SPATA13: variants seen among roughly 807,000 people sequenced by gnomAD.
SPATA13 encodes the protein spermatogenesis associated 13, also known as spermatogenesis-associated protein 13.
A neutral mutation model predicts 104.0 loss-of-function variants in SPATA13; 50 were observed. The ratio of observed to expected loss-of-function variants is 0.48; its 90% CI spans 0.38 to 0.61. The LOEUF (loss-of-function observed/expected upper bound fraction) is 0.61, where lower values mean the gene tolerates loss of function less well. SPATA13 is among the 20% of genes least tolerant of loss of function. The probability of loss-of-function intolerance (pLI) is 0.00; values close to 1 mark genes in which losing one functional copy is unlikely to be tolerated. For missense variants in SPATA13, 1,524 were observed against 1,690.6 expected (o/e 0.90, Z 1.73); for synonymous variants, 606 against 667.5 (o/e 0.91, Z 1.42).
chr13:24,288,867 T>A, intron 7 of SPATA13, 132 bp from the exon 8 acceptor site: 1 of 717,558 alleles, frequency 1.4e-6, no homozygotes, highest in Non-Finnish European at 2.2e-6. Flanking sequence ...TACGATGACC[T>A]CATCAGAGAC....
intron 1 of SPATA13, among the ~76,000 whole-genome samples, chr13:24,181,941 C>T (rs1279733209): frequency 2.0e-5 from 3 of 152,028 alleles, no homozygotes; most frequent in Non-Finnish European, 4.4e-5. Context: ...ATGGTGAAAC[C>T]CCATCTCTAC....
At chr13:24,126,573 G>T (rs565765266) in intron 3 of SPATA13, among the ~76,000 whole-genome samples, 5 of 152,210 alleles carry the variant, frequency 3.3e-5, no homozygotes, top group Middle Eastern at 6.8e-3. Flanking sequence ...CTCCCAGGGC[G>T]CAGGACAGAG....
chr13:24,184,231 G>C (rs1158200239), intron 1 of SPATA13, among the ~76,000 whole-genome samples: 1 of 152,182 alleles, frequency 6.6e-6, no homozygotes, highest in East Asian at 1.9e-4. Context: ...AAATCATTTG[G>C]ATGTGGAAAT....
intron 3 of SPATA13, among the ~76,000 whole-genome samples, chr13:24,135,559 A>G (rs954504776): frequency 6.6e-6 from 1 of 151,986 alleles, no homozygotes; most frequent in Non-Finnish European, 1.5e-5. Context: ...TTAGCCGGGC[A>G]TGGTGGCAGG....
At chr13:24,216,103 G>A (rs182959844) in intron 1 of SPATA13, among the ~76,000 whole-genome samples, 286 of 152,320 alleles carry the variant, frequency 1.9e-3, no homozygotes, top group Non-Finnish European at 3.1e-3. Flanking sequence ...CTGTGAGATT[G>A]GAGGAAGAGG....
At chr13:24,132,062 T>C (rs939888680) in intron 3 of SPATA13, among the ~76,000 whole-genome samples, 1 of 152,204 alleles carries the variant, frequency 6.6e-6, no homozygotes, top group African/African-American at 2.4e-5. Flanking sequence ...AGAATGCTTT[T>C]TGAAGGAGAA....
intron 3 of SPATA13, among the ~76,000 whole-genome samples, chr13:24,153,145 TC>T (rs1882154092): frequency 6.6e-6 from 1 of 152,202 alleles, no homozygotes; most frequent in Non-Finnish European, 1.5e-5. Flanking sequence ...CATCTGCATC[TC>T]CCCATCATAA....
In SPATA13 at chr13:24,289,136, G is replaced by A. The variant is rs780221966; in HGVS notation, c.2805G>A (p.Glu935=). Reference sequence around the variant, plus strand: ...ACCTTGAGAAACAGTACAACAAAGAGGAACCTCACTTAAGTGAAATAGGAT... The same window carrying A: ...ACCTTGAGAAACAGTACAACAAAGAAGAACCTCACTTAAGTGAAATAGGAT... The part of the protein sequence containing the change: ...LKDLEKQYNK[E]EPHLSEIGSC... Residue 935 remains glutamate, a synonymous_variant, in exon 8 of 13, where the codon GAG becomes GAA. Transcript: ENST00000382108. 2 of 1,611,868 alleles carry A rather than the reference G, an allele frequency of 1.2e-6. No individual in the cohort carries two copies. Among genetic ancestry groups the A allele is most frequent in the Non-Finnish European group, 1.7e-6 (2 of 1,179,522 alleles).
intron 3 of SPATA13, among the ~76,000 whole-genome samples, chr13:24,084,531 TC>T (rs1454186920): frequency 1.6e-4 from 5 of 31,416 alleles, no homozygotes; most frequent in Non-Finnish European, 3.2e-4. Context: ...AACCTGGCTT[TC>T]TGGTTTTTCT....
chr13:24,104,392 G>A (rs7997748), intron 3 of SPATA13, among the ~76,000 whole-genome samples: 1 of 152,046 alleles, frequency 6.6e-6, no homozygotes, highest in Non-Finnish European at 1.5e-5. Flanking sequence ...GAGAGGTTTG[G>A]TTTTACAATT....
At chr13:24,117,684 G>GGA (rs67117888) in intron 3 of SPATA13, among the ~76,000 whole-genome samples, 7 of 109,056 alleles carry the variant, frequency 6.4e-5, no homozygotes, top group African/African-American at 1.0e-4. Context: ...GAAATTAAGA[G>GGA]AAAAAAAACC....
At chr13:24,168,900 T>C (rs1882848554) in intron 1 of SPATA13, among the ~76,000 whole-genome samples, 1 of 152,220 alleles carries the variant, frequency 6.6e-6, no homozygotes, top group Non-Finnish European at 1.5e-5. Flanking sequence ...GCCCACACAG[T>C]ATTCTTTAAA....
chr13:24,166,013 G>A (rs1336791720), intron 1 of SPATA13, among the ~76,000 whole-genome samples: 3 of 152,178 alleles, frequency 2.0e-5, no homozygotes, highest in African/African-American at 7.2e-5. Flanking sequence ...CACCCTTCCT[G>A]GGGGGTGGAG....
At chr13:23,981,332 A>G (rs1874883898) in intron 1 of SPATA13, among the ~76,000 whole-genome samples, 1 of 152,210 alleles carries the variant, frequency 6.6e-6, no homozygotes. Context: ...TGTAGCTACA[A>G]TAGTACTTCT....
chr13:24,297,276 C>T (rs770524544), intron 10 of SPATA13, 87 bp from the exon 11 acceptor site: 21 of 1,481,516 alleles, frequency 1.4e-5, no homozygotes, highest in Middle Eastern at 1.9e-4. Flanking sequence ...TTGGCCTCAA[C>T]GATCCTCCCA....
intron 3 of SPATA13, among the ~76,000 whole-genome samples, chr13:24,251,181 G>A (rs1238238403): frequency 1.3e-5 from 2 of 152,236 alleles, no homozygotes; most frequent in Non-Finnish European, 2.9e-5. Flanking sequence ...TGCCGTGTGA[G>A]TTTGGGTAAG....
chr13:24,209,513 T>C (rs1047199576), intron 1 of SPATA13, among the ~76,000 whole-genome samples: 1 of 152,164 alleles, frequency 6.6e-6, no homozygotes, highest in African/African-American at 2.4e-5. Flanking sequence ...AGTGAGATCA[T>C]GTGGTATTTG....
chr13:24,144,832 G>A (rs1881878782), intron 3 of SPATA13, among the ~76,000 whole-genome samples: 1 of 152,208 alleles, frequency 6.6e-6, no homozygotes, highest in Admixed American at 6.5e-5. Context: ...CACCCTCCTG[G>A]CCATCCACCT....
At chr13:24,063,618 A>G (rs992161199) in intron 3 of SPATA13, among the ~76,000 whole-genome samples, 2 of 152,060 alleles carry the variant, frequency 1.3e-5, no homozygotes, top group South Asian at 4.2e-4. Context: ...CTGCCATCCA[A>G]TTACACAGCT....
Sources: gnomAD v4.1 joint callset for allele counts (sites outside exome capture counted in the v4.1 genomes callset) on GRCh38, gnomAD v4.1.1 for gene constraint, MANE v1.5 for transcripts, NCBI Gene and HGNC (gene_info 2026-07-23, HGNC 2026-07-21) for gene names.